Variants in PCDHGA9 observed in about 807,000 individuals in gnomAD.
The protein encoded by PCDHGA9 is protocadherin gamma-A9.
A neutral mutation model predicts 62.5 loss-of-function variants in PCDHGA9; 37 were observed. The ratio of observed to expected loss-of-function variants is 0.59; its 90% CI spans 0.46 to 0.78. The LOEUF (loss-of-function observed/expected upper bound fraction) is 0.78, where lower values mean the gene tolerates loss of function less well. Ranked by LOEUF, PCDHGA9 falls within the 30% of genes least tolerant of loss-of-function variation. The pLI is 0.00. For missense variants in PCDHGA9, 1,138 were observed against 1,166.2 expected, an observed-to-expected ratio of 0.98 and a Z score of 0.35; for synonymous variants, 459 against 484.6, an observed-to-expected ratio of 0.95 and a Z score of 0.69.
chr5:141,511,077 T>C lies in PCDHGA9; in HGVS notation c.2703T>C (p.Asn901=), dbSNP rs1279500774. ...YRQNVYIPGS[N]ATLTNAAGKR... is the part of the protein sequence containing the mutation. ...AGAATGTCTACATCCCAGGCAGCAA[T>C]GCCACACTGACCAACGCAGCTGGCA... is the stretch of plus-strand genomic sequence containing the variant. Residue 901 remains asparagine, a synonymous_variant, in exon 4 of 4, where the codon AAT becomes AAC. Transcript: ENST00000573521. 5 of 1,614,062 alleles carry C rather than the reference T, an allele frequency of 3.1e-6. No individual in the cohort carries two copies. The African/African-American group carries it at 6.7e-5, about 22-fold the overall frequency.
At position 141,492,010 on chromosome 5, in the gene PCDHGA9, G is replaced by A. The variant is rs2099736138; in HGVS notation, c.2425-2797G>A. 2 of 617,370 alleles carry A rather than the reference G, an allele frequency of 3.2e-6. 1 individual carries two copies. Among genetic ancestry groups the A allele is most frequent in the Middle Eastern group, 8.7e-4 (2 of 2,312 alleles). The allele number at this position is 617,370 out of a possible 1,614,324, so 38.2% of individuals were successfully genotyped here. On this transcript the variant is annotated intron_variant, in intron 1 of 3. Transcript: ENST00000573521. Reference sequence around the variant, plus strand: ...GGTGAATTTCGGGCGATTTCCGCGGGTGTCGGGGGTCCCGGGAGGAGGCAG... The same window carrying A: ...GGTGAATTTCGGGCGATTTCCGCGGATGTCGGGGGTCCCGGGAGGAGGCAG...
chr5:141,447,235 G>T (rs1458489257), intron 1 of PCDHGA9, among the ~76,000 whole-genome samples: 1 of 152,084 alleles, frequency 6.6e-6, no homozygotes, highest in Non-Finnish European at 1.5e-5. Flanking sequence ...CGCCTCCCGG[G>T]TTCAAGTGAT....
chr5:141,403,758 T>C lies in PCDHGA9; in HGVS notation c.806T>C (p.Leu269Pro), dbSNP rs1022850868. The change falls in exon 1 of 4, where the codon CTG (leucine) becomes CCG (proline). Residue 269 changes from leucine (L) to proline (P), a missense_variant. Physicochemically the swap from Leu to Pro is moderately conservative, Grantham distance 98. Coordinates refer to ENST00000573521, the MANE Select transcript of PCDHGA9 (RefSeq NM_018921.3). ...TWLLTATASD[L>P]DEGINGKVAY... ...CTGCTTACTGCAACAGCCAGCGACC[T>C]GGATGAGGGAATCAACGGAAAAGTG... is the stretch of plus-strand genomic sequence containing the variant. The C allele has an allele frequency of 1.1e-5, 18 of 1,613,804 alleles. No individual in the cohort carries two copies. Among genetic ancestry groups the C allele is most frequent in the Non-Finnish European group, 1.4e-5 (16 of 1,179,898 alleles).
rs369529373 is a variant in PCDHGA9 at position 141,458,890 on chromosome 5, C to T, written c.2425-35917C>T. Among the ~76,000 whole-genome samples, 87 of 152,160 alleles carry T rather than the reference C, an allele frequency of 5.7e-4. 1 individual carries two copies. In the South Asian group the frequency reaches 0.016, roughly 28 times the overall value. ...TGGGACTACAGGCATGCACACCATG[C>T]GCAGCTAATTTTTTCTATTTTTTGT... On this transcript the variant is annotated intron_variant, in intron 1 of 3. Coordinates refer to ENST00000573521, the MANE Select transcript of PCDHGA9 (RefSeq NM_018921.3).
chr5:141,427,840 A>G (rs779622800), intron 1 of PCDHGA9: 1 of 1,548,180 alleles, frequency 6.5e-7, no homozygotes, highest in Non-Finnish European at 8.8e-7. Flanking sequence ...CGTGCCTTCG[A>G]CCACGAGCAG....
At chr5:141,427,092 G>T in intron 1 of PCDHGA9, 1 of 458,134 alleles carries the variant, frequency 2.2e-6, no homozygotes, top group Non-Finnish European at 4.4e-6. Flanking sequence ...CCAGGATGAG[G>T]GTGTCAATGC....
chr5:141,414,429 G>A (rs1372056104), intron 1 of PCDHGA9: 1 of 1,613,860 alleles, frequency 6.2e-7, no homozygotes, highest in Non-Finnish European at 8.5e-7. Flanking sequence ...ACAGGGAACA[G>A]GTATCCTCTT....
intron 1 of PCDHGA9, among the ~76,000 whole-genome samples, chr5:141,469,667 T>C (rs62379201): frequency 0.22 from 32,952 of 152,218 alleles, 3,707 homozygotes; most frequent in African/African-American, 0.28. Flanking sequence ...CTTGTTCTAA[T>C]AAAACTACAT....
rs2099606006 is a variant in PCDHGA9, at chr5:141,485,058, G to A, written c.2425-9749G>A. Reference sequence around the variant, plus strand: ...TAACCCTTGCGGCGCCGGCCGAACCGCGCCAGAGCTGGCGCGGGGAAAGGG... The same window carrying A: ...TAACCCTTGCGGCGCCGGCCGAACCACGCCAGAGCTGGCGCGGGGAAAGGG... On this transcript the variant is annotated intron_variant, in intron 1 of 3. Coordinates refer to ENST00000573521, the MANE Select transcript of PCDHGA9 (RefSeq NM_018921.3). The surrounding 1 kb of genome is among the most constrained non-coding windows in gnomAD (Gnocchi z 5.7). 1 of 848,828 alleles carries A rather than the reference G, an allele frequency of 1.2e-6. No individual in the cohort carries two copies. The highest frequency in any genetic ancestry group is 1.9e-6 in the Non-Finnish European group (1 of 529,084). The allele number at this position is 848,828 out of a possible 1,614,324, so 52.6% of individuals were successfully genotyped here.
At chr5:141,461,663 G>C (rs1230719552) in intron 1 of PCDHGA9, among the ~76,000 whole-genome samples, 1 of 151,984 alleles carries the variant, frequency 6.6e-6, no homozygotes, top group Admixed American at 6.6e-5. Flanking sequence ...TTATTTTAAA[G>C]TTTGTTATTT....
rs2099884159 is a variant in PCDHGA9 at position 141,512,278 on chromosome 5, G to A, written c.*1105G>A. 6.5e-6 allele frequency: 1 copy of A among 152,812 alleles called. No homozygotes were observed. Among genetic ancestry groups the A allele is most frequent in the Non-Finnish European group, 1.5e-5 (1 of 68,170 alleles). 9.5% of individuals were successfully genotyped at this position (152,812 alleles called of 1,614,324 possible). A position where few individuals can be genotyped will look rare whatever the true frequency, so the allele number is the denominator to read the frequency against. ...TGCTGGGTACTCCAGAGGTGCCACT[G>A]GTGGAAGGGTCAGCGGAGCCCCAGC... On this transcript the variant is annotated 3_prime_UTR_variant, in exon 4 of 4. Coordinates refer to ENST00000573521, the MANE Select transcript of PCDHGA9 (RefSeq NM_018921.3).
chr5:141,423,489 T>C (rs764165685), intron 1 of PCDHGA9: 1 of 1,614,016 alleles, frequency 6.2e-7, no homozygotes, highest in South Asian at 1.1e-5. Context: ...TGCAAACCTA[T>C]TCCCACGAGG....
chr5:141,489,084 C>A lies in PCDHGA9; in HGVS notation c.2425-5723C>A. On this transcript the variant is annotated intron_variant, in intron 1 of 3. Coordinates refer to ENST00000573521, the MANE Select transcript of PCDHGA9 (RefSeq NM_018921.3). The surrounding 1 kb of genome is among the most constrained non-coding windows in gnomAD (Gnocchi z 4.5). Reference sequence around the variant, plus strand: ...CTCCCCCCTGCCCACCCCCGCCACTCGGTGACTAAGAACTGCTGCAAGCAG... The same window carrying A: ...CTCCCCCCTGCCCACCCCCGCCACTAGGTGACTAAGAACTGCTGCAAGCAG... The A allele has an allele frequency of 9.1e-6, 3 of 329,124 alleles. No homozygotes were observed. The highest frequency in any genetic ancestry group is 1.1e-5 in the Non-Finnish European group (2 of 186,464). The allele number at this position is 329,124 out of a possible 1,614,324, so 20.4% of individuals were successfully genotyped here. A position where few individuals can be genotyped will look rare whatever the true frequency, so the allele number is the denominator to read the frequency against.
chr5:141,465,240 G>C (rs569146939), intron 1 of PCDHGA9, among the ~76,000 whole-genome samples: 22 of 152,168 alleles, frequency 1.4e-4, no homozygotes, highest in African/African-American at 5.3e-4. Flanking sequence ...TCAAGTTCAA[G>C]GCACTTTTGT....
At position 141,477,687 on chromosome 5, in the gene PCDHGA9, C is replaced by A. The variant is rs1206813120; in HGVS notation, c.2425-17120C>A. The A allele has an allele frequency of 5.6e-6, 9 of 1,614,022 alleles. No homozygotes were observed. The highest frequency in any genetic ancestry group is 7.6e-6 in the Non-Finnish European group (9 of 1,180,040). ...AATGGCATAGTGTCATCCTTAGTGC[C>A]CCTAGACTATGAGGATCGGCGGGAA... On this transcript the variant is annotated intron_variant, in intron 1 of 3. Coordinates refer to ENST00000573521, the MANE Select transcript of PCDHGA9 (RefSeq NM_018921.3). This position sits in a 1 kb window ranked among gnomAD's most constrained non-coding sequence, Gnocchi z 4.9.
intron 1 of PCDHGA9, among the ~76,000 whole-genome samples, chr5:141,460,763 T>A (rs904048213): frequency 4.6e-5 from 7 of 152,170 alleles, no homozygotes; most frequent in Admixed American, 1.3e-4. Context: ...ATATACATAT[T>A]GCATATGTAT....
intron 1 of PCDHGA9, chr5:141,475,902 C>A (rs1296545944): frequency 1.7e-6 from 1 of 576,594 alleles, no homozygotes; most frequent in Non-Finnish European, 3.0e-6. Context: ...GTGCCGCTGT[C>A]GGCCAATGAA....
rs759737266 is a variant in PCDHGA9 at position 141,489,464 on chromosome 5, T to A, written c.2425-5343T>A. 5 of 1,614,030 alleles carry A rather than the reference T, an allele frequency of 3.1e-6. No homozygotes were observed. In the South Asian group the frequency reaches 3.3e-5, roughly 11 times the overall value. On this transcript the variant is annotated intron_variant, in intron 1 of 3. Transcript: ENST00000573521. The surrounding 1 kb of genome is among the most constrained non-coding windows in gnomAD (Gnocchi z 4.5). ...GGCTCTGAGGAGAATGGGCGCTATT[T>A]TTCCCTGAGCTTGATGAGTGGTGCC...
chr5:141,425,482 C>G (rs1257043728), intron 1 of PCDHGA9, among the ~76,000 whole-genome samples: 1 of 152,192 alleles, frequency 6.6e-6, no homozygotes, highest in East Asian at 1.9e-4. Flanking sequence ...CCTATGGCAA[C>G]CTACTAGGCT....
Sources: allele counts gnomAD v4.1 joint callset (sites outside exome capture counted in the v4.1 genomes callset), GRCh38; gene constraint gnomAD v4.1.1; non-coding constraint Gnocchi (gnomAD v3.1); transcripts MANE v1.5; gene names NCBI Gene and HGNC (gene_info 2026-07-23, HGNC 2026-07-21).